The following WDPCP variants were observed in gnomAD, a reference collection of about 807,000 sequenced individuals.
The protein encoded by WDPCP is WD repeat containing planar cell polarity effector, also known as WD repeat-containing and planar cell polarity effector protein fritz homolog.
A neutral mutation model predicts 93.1 loss-of-function variants in WDPCP; 71 were observed. That is an observed-to-expected ratio of 0.76 (90% CI 0.63 to 0.93). The LOEUF is 0.93. Ranked by LOEUF, WDPCP falls within the 40% of genes least tolerant of loss-of-function variation. The pLI is 0.00. For missense variants in WDPCP, 844 were observed against 887.4 expected, an observed-to-expected ratio of 0.95 and a Z score of 0.62; for synonymous variants, 315 against 315.0, an observed-to-expected ratio of 1.00 and a Z score of 0.00.
chr2:63,645,426 T>C (rs543170470), intron 3 of WDPCP, among the ~76,000 whole-genome samples: 6 of 152,348 alleles, frequency 3.9e-5, no homozygotes, highest in African/African-American at 9.6e-5. Context: ...ATCTAACATA[T>C]GGTTTACCCT....
chr2:63,594,176 A>C (rs1575720579), intron 3 of WDPCP: 12 of 499,244 alleles, frequency 2.4e-5, no homozygotes, highest in Non-Finnish European at 4.0e-6. Flanking sequence ...AGTGGCTGCC[A>C]GGGTTTGGAT....
chr2:63,171,884 T>A (rs1227640440), intron 15 of WDPCP, among the ~76,000 whole-genome samples: 2 of 152,194 alleles, frequency 1.3e-5, no homozygotes, highest in African/African-American at 4.8e-5. Context: ...ACACATTACA[T>A]GAGCCTCAGT....
chr2:63,833,441 T>C, the WDPCP span, among the ~76,000 whole-genome samples: 4 of 152,220 alleles, frequency 2.6e-5, no homozygotes, highest in African/African-American at 9.6e-5. Context: ...TTCCAAACTC[T>C]GCTTTTTCCA....
chr2:63,299,511 G>A (rs1204228027), intron 13 of WDPCP, among the ~76,000 whole-genome samples: 1 of 152,168 alleles, frequency 6.6e-6, no homozygotes, highest in Non-Finnish European at 1.5e-5. Flanking sequence ...ATCAAATGGA[G>A]CTCTGCAATC....
At chr2:63,817,258 C>T (rs1670949252) in intron 1 of WDPCP, among the ~76,000 whole-genome samples, 1 of 151,980 alleles carries the variant, frequency 6.6e-6, no homozygotes, top group Admixed American at 6.5e-5. Flanking sequence ...TACAGGTGTC[C>T]ATCACCAAGC....
At chr2:63,790,496 A>G (rs1670529280) in intron 2 of WDPCP, among the ~76,000 whole-genome samples, 2 of 152,200 alleles carry the variant, frequency 1.3e-5, no homozygotes, top group Admixed American at 1.3e-4. Context: ...TCAGAACTTG[A>G]GCAGGTAGTC....
chr2:63,481,479 A>G (rs768378320), intron 6 of WDPCP, among the ~76,000 whole-genome samples: 15 of 152,100 alleles, frequency 9.9e-5, no homozygotes, highest in Admixed American at 2.6e-4. Flanking sequence ...TTGCAAAAAT[A>G]TGGAACCAGC....
chr2:63,716,299 T>C (rs1269936036), intron 2 of WDPCP, among the ~76,000 whole-genome samples: 1 of 152,234 alleles, frequency 6.6e-6, no homozygotes, highest in Non-Finnish European at 1.5e-5. Flanking sequence ...AATTGCTTCA[T>C]GATTACTTTC....
At chr2:63,484,861 A>C in intron 5 of WDPCP, 56 bp downstream of exon 5, 1 of 1,582,802 alleles carries the variant, frequency 6.3e-7, no homozygotes, top group Non-Finnish European at 8.6e-7. Context: ...AGCTGTTGAA[A>C]GATGTTTTAA....
intron 3 of WDPCP, among the ~76,000 whole-genome samples, chr2:63,644,915 A>C (rs1029215234): frequency 9.9e-5 from 15 of 152,018 alleles, no homozygotes; most frequent in African/African-American, 3.6e-4. Flanking sequence ...TAGTTGGCTA[A>C]AGGTTTATCC....
At chr2:63,541,631 TC>T (rs1704736636) in intron 1 of WDPCP, among the ~76,000 whole-genome samples, 1 of 152,114 alleles carries the variant, frequency 6.6e-6, no homozygotes, top group Non-Finnish European at 1.5e-5. Flanking sequence ...TGCCCTTATT[TC>T]CCCCTTCTCT....
intron 17 of WDPCP, among the ~76,000 whole-genome samples, chr2:63,146,972 T>C (rs1047545555): frequency 6.6e-6 from 1 of 152,204 alleles, no homozygotes; most frequent in Non-Finnish European, 1.5e-5. Context: ...GTAAAACTAG[T>C]GTTACTGAGA....
chr2:63,378,263 T>G, intron 12 of WDPCP, 123 bp downstream of exon 12: 1 of 1,267,534 alleles, frequency 7.9e-7, no homozygotes, highest in South Asian at 1.3e-5. Flanking sequence ...AAGATGTATA[T>G]TTCTTTGAGG....
chr2:63,242,258 C>G (rs1221770105), intron 14 of WDPCP, among the ~76,000 whole-genome samples: 1 of 152,070 alleles, frequency 6.6e-6, no homozygotes. Context: ...AGCATAGTAT[C>G]TGCAAGATCA....
intron 1 of WDPCP, among the ~76,000 whole-genome samples, chr2:63,585,365 A>G (rs897441401): frequency 2.0e-5 from 3 of 152,160 alleles, no homozygotes; most frequent in Non-Finnish European, 4.4e-5. Context: ...GATACCTAGC[A>G]TTACACTTAA....
At chr2:63,506,402 TG>T (rs1701876295) in intron 1 of WDPCP, among the ~76,000 whole-genome samples, 1 of 151,612 alleles carries the variant, frequency 6.6e-6, no homozygotes. Context: ...TGTAGTTATT[TG>T]CACTCCCTCC....
At chr2:63,752,322 T>G in intron 2 of WDPCP, 1 of 808,618 alleles carries the variant, frequency 1.2e-6, no homozygotes, top group African/African-American at 1.7e-5. Context: ...ACAAATACCT[T>G]TTTCACAGTT....
At chr2:63,251,486 C>CTT (rs869243555) in intron 14 of WDPCP, among the ~76,000 whole-genome samples, 803 of 107,076 alleles carry the variant, frequency 7.5e-3, no homozygotes, top group Non-Finnish European at 8.5e-3. Context: ...AAAAGCCTAC[C>CTT]TTTTTTTTTT....
intron 2 of WDPCP, among the ~76,000 whole-genome samples, chr2:63,724,203 C>CATAA (rs1473373070): frequency 6.6e-6 from 1 of 152,128 alleles, no homozygotes; most frequent in Non-Finnish European, 1.5e-5. Context: ...AATTCTTACC[C>CATAA]ATAAATATAT....
Sources: allele counts gnomAD v4.1 joint callset (sites outside exome capture counted in the v4.1 genomes callset), GRCh38; gene constraint gnomAD v4.1.1; transcripts MANE v1.5; gene names NCBI Gene and HGNC (gene_info 2026-07-23, HGNC 2026-07-21).